NINL: variants seen among roughly 807,000 people sequenced by gnomAD.
NINL encodes the protein ninein-like protein.
A neutral mutation model predicts 160.3 loss-of-function variants in NINL; 153 were observed. That is an observed-to-expected ratio of 0.95 (90% CI 0.84 to 1.09). The LOEUF (loss-of-function observed/expected upper bound fraction) is 1.09, where lower values mean the gene tolerates loss of function less well. NINL is among the 50% of genes least tolerant of loss of function. The pLI is 0.00. For missense variants in NINL, 1,829 were observed against 1,764.0 expected, an observed-to-expected ratio of 1.04 and a Z score of -0.66; for synonymous variants, 800 against 734.8, an observed-to-expected ratio of 1.09 and a Z score of -1.43.
intron 1 of NINL, among the ~76,000 whole-genome samples, chr20:25,561,916 G>T (rs1168182046): frequency 1.4e-5 from 2 of 144,420 alleles, no homozygotes; most frequent in African/African-American, 2.6e-5. Flanking sequence ...GTCAGCCCCC[G>T]CCAGGCCAGC....
intron 13 of NINL, among the ~76,000 whole-genome samples, chr20:25,486,560 G>T (rs1217703213): frequency 6.6e-6 from 1 of 152,108 alleles, no homozygotes; most frequent in African/African-American, 2.4e-5. Context: ...CCGCATGGCA[G>T]GCCCCACCCA....
intron 13 of NINL, among the ~76,000 whole-genome samples, chr20:25,484,065 C>T (rs368253639): frequency 2.0e-5 from 3 of 152,334 alleles, no homozygotes; most frequent in Admixed American, 6.5e-5. Flanking sequence ...GCAGAGGCCA[C>T]GTGGAGAGGC....
Position 25,573,686 on chromosome 20 carries a change from T to G in NINL, c.-12+11769A>C, listed in dbSNP as rs146367506. Reference sequence around the variant, plus strand: ...TGGGAAAATTACCATATTTTGCTATTGCAACTACTTGAAGTCCATGCCAAA... The same window carrying G: ...TGGGAAAATTACCATATTTTGCTATGGCAACTACTTGAAGTCCATGCCAAA... On this transcript the variant is annotated intron_variant, in intron 1 of 23. Coordinates refer to ENST00000278886, the MANE Select transcript of NINL (RefSeq NM_025176.6). 3.7e-3 allele frequency among the ~76,000 whole-genome samples: 562 copies of G among 152,370 alleles called. 1 individual carries two copies. Among genetic ancestry groups the G allele is most frequent in the Non-Finnish European group, 5.3e-3 (361 of 68,044 alleles).
chr20:25,530,615 C>G (rs2064440667), intron 1 of NINL, among the ~76,000 whole-genome samples: 1 of 151,986 alleles, frequency 6.6e-6, no homozygotes, highest in South Asian at 2.1e-4. Context: ...AATAAAGGGA[C>G]AGAGTACAAA....
intron 1 of NINL, among the ~76,000 whole-genome samples, chr20:25,582,275 C>CA (rs1239391811): frequency 6.6e-6 from 1 of 152,022 alleles, no homozygotes; most frequent in African/African-American, 2.4e-5. Flanking sequence ...AACAAACAAA[C>CA]AAAAAACAAA....
At chr20:25,540,000 T>C in intron 1 of NINL, 1 of 1,286,654 alleles carries the variant, frequency 7.8e-7, no homozygotes, top group African/African-American at 1.5e-5. Context: ...AGCAGCTCAC[T>C]GTAATAATAC....
intron 1 of NINL, among the ~76,000 whole-genome samples, chr20:25,527,724 A>C (rs2064384595): frequency 6.6e-6 from 1 of 152,192 alleles, no homozygotes; most frequent in Admixed American, 6.5e-5. Flanking sequence ...AAGACTAAAA[A>C]TCCTGGATGC....
At chr20:25,574,731 T>C (rs2065095425) in intron 1 of NINL, among the ~76,000 whole-genome samples, 1 of 152,078 alleles carries the variant, frequency 6.6e-6, no homozygotes, top group African/African-American at 2.4e-5. Flanking sequence ...AGAAATCCAG[T>C]CTGGAATATG....
chr20:25,497,786 C>T (rs2063787659), intron 9 of NINL, among the ~76,000 whole-genome samples: 1 of 152,156 alleles, frequency 6.6e-6, no homozygotes, highest in Non-Finnish European at 1.5e-5. Context: ...CGCTGGCAAG[C>T]GCCTGCACCA....
intron 1 of NINL, among the ~76,000 whole-genome samples, chr20:25,582,712 C>T (rs1415696068): frequency 6.6e-6 from 1 of 152,086 alleles, no homozygotes; most frequent in Non-Finnish European, 1.5e-5. Context: ...AACACCTGAA[C>T]ATTTTCCTTT....
At chr20:25,524,904 AATAT>A (rs35820142) in intron 2 of NINL, among the ~76,000 whole-genome samples, 18,179 of 145,384 alleles carry the variant, frequency 0.13, 2,134 homozygotes, top group African/African-American at 0.31. Flanking sequence ...CTCAAATTAA[AATAT>A]ATATATATAT....
At chr20:25,564,155 CT>C (rs974789146) in intron 1 of NINL, among the ~76,000 whole-genome samples, 96 of 129,158 alleles carry the variant, frequency 7.4e-4, no homozygotes, top group Non-Finnish European at 9.1e-4. Context: ...TTTCTTTTTT[CT>C]TTTTTTTTTT....
chr20:25,569,843 C>G (rs2065034910), intron 1 of NINL, among the ~76,000 whole-genome samples: 1 of 152,126 alleles, frequency 6.6e-6, no homozygotes, highest in Non-Finnish European at 1.5e-5. Context: ...AAGGAACCAC[C>G]CAGAGCTTTC....
chr20:25,516,922 C>T (rs1360136060), intron 3 of NINL, among the ~76,000 whole-genome samples: 2 of 152,180 alleles, frequency 1.3e-5, no homozygotes, highest in African/African-American at 4.8e-5. Context: ...CTGGCCATCG[C>T]TTACTAACTG....
Position 25,476,228 on chromosome 20 carries a change from G to A in NINL, c.3063C>T (p.Ser1021=). ...KHSVEVARRG[S]LPSHLQLADP... ...CTGCGAGCTGGAGGTGGGATGGCAA[G>A]GACCCTCTCCTGGCAACCTCCACAC... Residue 1021 remains serine (S), a synonymous_variant, in exon 17 of 24, where the codon TCC becomes TCT. Transcript: ENST00000278886. 1 of 1,614,052 alleles carries A rather than the reference G, an allele frequency of 6.2e-7. No individual in the cohort carries two copies. The highest frequency in any genetic ancestry group is 8.5e-7 in the Non-Finnish European group (1 of 1,179,990).
intron 8 of NINL, chr20:25,499,213 G>T: frequency 2.0e-6 from 2 of 985,346 alleles, no homozygotes; most frequent in Non-Finnish European, 2.4e-6. Context: ...CTGGGGAGCC[G>T]CCTGGAAAGC....
chr20:25,467,345 A>C (rs896111737), intron 19 of NINL, 44 bp downstream of exon 19: 6 of 1,412,762 alleles, frequency 4.2e-6, no homozygotes, highest in African/African-American at 1.4e-5. Flanking sequence ...TAATGAAAAA[A>C]AGGAATGGTG....
chr20:25,498,203 C>T lies in NINL; in HGVS notation c.1169+7G>A. ...GCCACGTTCCCCAGTCCCCTGTGGCCTCTTACTGCTGGTAGCTCAGCTCCT... is the reference window on the plus strand; with the variant it reads ...GCCACGTTCCCCAGTCCCCTGTGGCTTCTTACTGCTGGTAGCTCAGCTCCT... On this transcript the variant is annotated splice_region_variant and intron_variant, in intron 9 of 23. Coordinates refer to ENST00000278886, the MANE Select transcript of NINL (RefSeq NM_025176.6). The T allele has an allele frequency of 1.2e-6, 2 of 1,612,282 alleles. No homozygotes were observed. The highest frequency in any genetic ancestry group is 1.7e-6 in the Non-Finnish European group (2 of 1,180,004).
At chr20:25,470,444 G>A (rs138707513) in intron 17 of NINL, among the ~76,000 whole-genome samples, 6 of 152,356 alleles carry the variant, frequency 3.9e-5, no homozygotes, top group East Asian at 1.9e-4. Context: ...AGTGCTGGGC[G>A]TGAGTCCTCA....
Sources: gnomAD v4.1 joint callset for allele counts (sites outside exome capture counted in the v4.1 genomes callset) on GRCh38, gnomAD v4.1.1 for gene constraint, MANE v1.5 for transcripts, NCBI Gene and HGNC (gene_info 2026-07-23, HGNC 2026-07-21) for gene names.